Variants in CD1B observed in about 807,000 individuals in gnomAD.
CD1B encodes T-cell surface glycoprotein CD1b.
CD1B carries 43 observed loss-of-function variants against 39.8 expected under a neutral mutation model. The observed-to-expected ratio is 1.08, with a 90% CI of 0.85 to 1.39. The LOEUF (loss-of-function observed/expected upper bound fraction) is 1.39. Among genes scored for constraint, CD1B ranks in the 40% most tolerant of loss-of-function variants. CD1B has a pLI of 0.00. For missense variants in CD1B, 495 were observed against 403.8 expected (o/e 1.23, Z -1.94); for synonymous variants, 192 against 152.5 (o/e 1.26, Z -1.91).
chr1:158,291,429 T>G, the CD1B span: 23 of 1,603,988 alleles, frequency 1.4e-5, no homozygotes, highest in Non-Finnish European at 1.9e-5. Flanking sequence ...ATTATGGGAG[T>G]TCTTTAGAAT....
chr1:158,309,800 G>A, the CD1B span, among the ~76,000 whole-genome samples: 135 of 130,328 alleles, frequency 1.0e-3, no homozygotes, highest in Admixed American at 1.7e-3. Flanking sequence ...ATGGACACAG[G>A]AAGGGGAATA....
At chr1:158,329,147 A>G (rs1481671572) in intron 4 of CD1B, 133 bp from the exon 5 acceptor site, 7 of 927,950 alleles carry the variant, frequency 7.5e-6, no homozygotes, top group Non-Finnish European at 1.1e-5. Flanking sequence ...GCCACCATAT[A>G]TCCATCCTTT....
chr1:158,304,466 G>T, the CD1B span, among the ~76,000 whole-genome samples: 1 of 152,108 alleles, frequency 6.6e-6, no homozygotes, highest in African/African-American at 2.4e-5. Flanking sequence ...GTAGCCCACC[G>T]CAGCTCAAGG....
chr1:158,317,055 T>C, the CD1B span, among the ~76,000 whole-genome samples: 1 of 151,898 alleles, frequency 6.6e-6, no homozygotes, highest in Admixed American at 6.6e-5. Flanking sequence ...CTGGATTTGG[T>C]TTGGCAGTAT....
chr1:158,317,757 G>C, the CD1B span, among the ~76,000 whole-genome samples: 1 of 152,092 alleles, frequency 6.6e-6, no homozygotes, highest in African/African-American at 2.4e-5. Flanking sequence ...GTGATGTTAG[G>C]ATGTCAATTT....
the CD1B span, among the ~76,000 whole-genome samples, chr1:158,308,756 G>A: frequency 6.6e-6 from 1 of 152,212 alleles, no homozygotes; most frequent in African/African-American, 2.4e-5. Flanking sequence ...AATAAATGGT[G>A]CTGGGAAAAC....
Position 158,328,074 on chromosome 1 carries a change from C to CT in CD1B, c.*161dup, listed in dbSNP as rs1377761891. The CT allele has an allele frequency of 2.5e-5, 15 of 607,438 alleles. No individual in the cohort carries two copies. Among genetic ancestry groups the CT allele is most frequent in the Non-Finnish European group, 3.8e-5 (13 of 345,604 alleles). 37.6% of individuals were successfully genotyped at this position (607,438 alleles called of 1,614,324 possible). On this transcript the variant is annotated 3_prime_UTR_variant, in exon 6 of 6. Coordinates refer to ENST00000368168, the MANE Select transcript of CD1B (RefSeq NM_001764.3). ...CATAATAAATTTACAGTTTTAAGTA[C>CT]TTTTTTGCTGATGTTTAAATAATAA... is the stretch of plus-strand genomic sequence containing the variant.
chr1:158,287,875 A>G, the CD1B span, among the ~76,000 whole-genome samples: 1 of 152,154 alleles, frequency 6.6e-6, no homozygotes, highest in African/African-American at 2.4e-5. Context: ...GCCATTTAGA[A>G]ATTTGACTGC....
chr1:158,298,755 G>C, the CD1B span, among the ~76,000 whole-genome samples: 12 of 152,078 alleles, frequency 7.9e-5, no homozygotes, highest in African/African-American at 2.2e-4. Flanking sequence ...GGATTCCTAG[G>C]TATTTTATTC....
At chr1:158,319,595 G>A in the CD1B span, among the ~76,000 whole-genome samples, 2 of 152,104 alleles carry the variant, frequency 1.3e-5, no homozygotes, top group East Asian at 3.9e-4. Context: ...CAACTTCTTT[G>A]CCTTTGGTTT....
the CD1B span, among the ~76,000 whole-genome samples, chr1:158,318,123 A>G: frequency 6.6e-5 from 10 of 152,226 alleles, no homozygotes; most frequent in African/African-American, 1.9e-4. Context: ...GTGGTGCTGA[A>G]AAAAATGTAT....
the CD1B span, among the ~76,000 whole-genome samples, chr1:158,320,570 G>A: frequency 6.6e-6 from 1 of 152,166 alleles, no homozygotes; most frequent in South Asian, 2.1e-4. Context: ...GCACTCCCTA[G>A]TGAGACGAAC....
chr1:158,293,254 T>A, the CD1B span: 28 of 1,614,016 alleles, frequency 1.7e-5, no homozygotes, highest in South Asian at 3.1e-4. Flanking sequence ...GTAGTGATAG[T>A]GCCCTTGGTG....
At chr1:158,317,463 G>GTAT in the CD1B span, among the ~76,000 whole-genome samples, 1 of 151,542 alleles carries the variant, frequency 6.6e-6, no homozygotes, top group East Asian at 1.9e-4. Context: ...GGTGTTTGTA[G>GTAT]TATTCTCTGA....
downstream of CD1B, among the ~76,000 whole-genome samples, chr1:158,326,685 A>G (rs1299139337): frequency 6.6e-6 from 1 of 152,222 alleles, no homozygotes; most frequent in Non-Finnish European, 1.5e-5. Context: ...ATGAAATGAT[A>G]CAATATCTAA....
the CD1B span, among the ~76,000 whole-genome samples, chr1:158,318,041 T>A: frequency 6.6e-6 from 1 of 152,238 alleles, no homozygotes; most frequent in Non-Finnish European, 1.5e-5. Flanking sequence ...TTTGTTATAA[T>A]TTCTGTTCCT....
At chr1:158,330,301 G>T (rs1285734343) in intron 2 of CD1B, among the ~76,000 whole-genome samples, 171 bp from the exon 3 acceptor site, 2 of 152,126 alleles carry the variant, frequency 1.3e-5, no homozygotes, top group African/African-American at 4.8e-5. Flanking sequence ...AGAGCATTGA[G>T]AAAAATGTGC....
At chr1:158,292,570 C>G in the CD1B span, 1 of 1,605,066 alleles carries the variant, frequency 6.2e-7, no homozygotes, top group Non-Finnish European at 8.5e-7. Context: ...GTTTCTTCAT[C>G]AGAACACTTT....
At chr1:158,293,592 A>G in the CD1B span, 2 of 1,612,000 alleles carry the variant, frequency 1.2e-6, no homozygotes, top group South Asian at 1.1e-5. Flanking sequence ...TTTCTGCATA[A>G]TAAACATTTG....
Sources: gnomAD v4.1 joint callset for allele counts (sites outside exome capture counted in the v4.1 genomes callset) on GRCh38, gnomAD v4.1.1 for gene constraint, MANE v1.5 for transcripts, NCBI Gene and HGNC (gene_info 2026-07-23, HGNC 2026-07-21) for gene names.